The following ATP2C2 variants were observed in gnomAD, a reference collection of about 807,000 sequenced individuals.
ATP2C2 encodes calcium-transporting ATPase type 2C member 2.
A neutral mutation model predicts 110.8 loss-of-function variants in ATP2C2; 171 were observed. The ratio of observed to expected loss-of-function variants is 1.54; its 90% CI spans 1.36 to 1.75. The LOEUF is 1.75. Among genes scored for constraint, ATP2C2 ranks in the 40% most tolerant of loss-of-function variants. The probability of loss-of-function intolerance (pLI) is 0.00; values close to 1 mark genes in which losing one functional copy is unlikely to be tolerated. For missense variants in ATP2C2, 1,963 were observed against 1,235.0 expected, an observed-to-expected ratio of 1.59 and a Z score of -8.84; for synonymous variants, 804 against 508.4, an observed-to-expected ratio of 1.58 and a Z score of -7.82.
rs373254486 is a variant in ATP2C2, at chr16:84,451,304, CGTG to C, written c.1661-615_1661-613del. ...CTCCCACTGGGTCCCTCCCACAACA[CGTG>C]GGAATTATGGGAGCTACAGTTCAAG... On this transcript the variant is annotated intron_variant, in intron 17 of 26. Transcript: ENST00000262429. Among the ~76,000 whole-genome samples the C allele has an allele frequency of 7.4e-3, 1,133 of 152,272 alleles. 7 individuals are homozygous for C. The highest frequency in any genetic ancestry group is 0.014 in the Middle Eastern group (4 of 294).
chr16:84,430,706 T>G (rs247841), intron 11 of ATP2C2, among the ~76,000 whole-genome samples: 148,088 of 151,246 alleles, frequency 0.98, 72,598 homozygotes, highest in East Asian at 1. Context: ...ACCAGGGTCT[T>G]TTGGTGCTGG....
intron 9 of ATP2C2, among the ~76,000 whole-genome samples, 158 bp from the exon 10 acceptor site, chr16:84,423,030 G>A (rs887304636): frequency 2.6e-5 from 4 of 152,080 alleles, no homozygotes; most frequent in Admixed American, 2.0e-4. Context: ...ACAGTAATAC[G>A]CACAGGTCTT....
intron 16 of ATP2C2, among the ~76,000 whole-genome samples, chr16:84,446,862 C>T (rs1028711339): frequency 1.3e-5 from 2 of 152,274 alleles, no homozygotes; most frequent in African/African-American, 4.8e-5. Context: ...TGCCAGTCCT[C>T]TCTTTGCAGC....
intron 1 of ATP2C2, among the ~76,000 whole-genome samples, chr16:84,381,028 C>T (rs1420274456): frequency 6.6e-6 from 1 of 152,122 alleles, no homozygotes; most frequent in Non-Finnish European, 1.5e-5. Flanking sequence ...TGTGAAGAGA[C>T]CACCAAACAG....
In ATP2C2 at chr16:84,370,013, T is replaced by C. The variant is rs144837121; in HGVS notation, c.99+1299T>C. ...GTTTATTTGCCATCACAGGTTGCCTTTCCTATGTTGCCATTCCTGTTTTTT... is the reference window on the plus strand; with the variant it reads ...GTTTATTTGCCATCACAGGTTGCCTCTCCTATGTTGCCATTCCTGTTTTTT... On this transcript the variant is annotated intron_variant, in intron 1 of 26. Coordinates refer to ENST00000262429, the MANE Select transcript of ATP2C2 (RefSeq NM_014861.4). Among the ~76,000 whole-genome samples, 1,037 of 152,348 alleles carry C rather than the reference T, an allele frequency of 6.8e-3. 8 individuals carry two copies. Among genetic ancestry groups the C allele is most frequent in the South Asian group, 0.022 (108 of 4,824 alleles).
chr16:84,368,622 G>A lies in ATP2C2; in HGVS notation c.7G>A (p.Glu3Lys). 1 of 1,558,860 alleles carries A rather than the reference G, an allele frequency of 6.4e-7. No individual in the cohort carries two copies. Among genetic ancestry groups the A allele is most frequent in the Non-Finnish European group, 8.7e-7 (1 of 1,152,686 alleles). The part of the protein sequence containing the change: MV[E>K]GRVSEFLKKL... Reference sequence around the variant, plus strand: ...ACGCCTGCGCCCGCTCACCATGGTCGAGGGACGCGTCTCCGAGTTCCTGAA... The same window carrying A: ...ACGCCTGCGCCCGCTCACCATGGTCAAGGGACGCGTCTCCGAGTTCCTGAA... The change falls in exon 1 of 27, where the codon GAG becomes AAG. Residue 3 changes from glutamate to lysine, a missense_variant. Physicochemically the swap from Glu to Lys is moderately conservative, Grantham distance 56. Transcript: ENST00000262429.
intron 1 of ATP2C2, among the ~76,000 whole-genome samples, chr16:84,384,205 C>T (rs540517019): frequency 6.6e-6 from 1 of 152,336 alleles, no homozygotes; most frequent in African/African-American, 2.4e-5. Context: ...GTCCTGGTAA[C>T]AGGGAAAGGA....
intron 23 of ATP2C2, chr16:84,459,853 T>A: frequency 2.5e-6 from 1 of 398,576 alleles, no homozygotes; most frequent in South Asian, 2.6e-5. Context: ...TTGTGTTTCA[T>A]CCCTGATGTC....
At chr16:84,370,129 C>T (rs1285866561) in intron 1 of ATP2C2, among the ~76,000 whole-genome samples, 1 of 141,268 alleles carries the variant, frequency 7.1e-6, no homozygotes, top group Non-Finnish European at 1.5e-5. Flanking sequence ...ACAGGATGTC[C>T]AGGAATGCAG....
At chr16:84,423,545 G>C (rs1223946206) in intron 10 of ATP2C2, among the ~76,000 whole-genome samples, 2 of 152,224 alleles carry the variant, frequency 1.3e-5, no homozygotes, top group Non-Finnish European at 2.9e-5. Context: ...TGGTCCAGTG[G>C]CTCTCCTGGA....
At chr16:84,448,399 A>C (rs1303411898) in intron 16 of ATP2C2, 134 bp from the exon 17 acceptor site, 8 of 1,144,024 alleles carry the variant, frequency 7.0e-6, no homozygotes, top group Non-Finnish European at 2.4e-6. Flanking sequence ...TGTGAACAGC[A>C]CCAGCCTATG....
intron 24 of ATP2C2, 112 bp from the exon 25 acceptor site, chr16:84,461,602 T>A: frequency 1.1e-6 from 1 of 930,048 alleles, no homozygotes; most frequent in South Asian, 1.4e-5. Context: ...CATGAGCTTG[T>A]AAGTGGCTCC....
intron 11 of ATP2C2, among the ~76,000 whole-genome samples, chr16:84,438,315 A>G (rs1396964293): frequency 1.3e-5 from 2 of 152,184 alleles, no homozygotes; most frequent in African/African-American, 2.4e-5. Context: ...GCTATGTCAA[A>G]CTGGACACCA....
intron 2 of ATP2C2, among the ~76,000 whole-genome samples, chr16:84,401,165 T>G (rs574697236): frequency 6.6e-6 from 1 of 151,216 alleles, no homozygotes; most frequent in South Asian, 2.1e-4. Flanking sequence ...CTGGAGAGTT[T>G]CCCCGATGTT....
At position 84,422,533 on chromosome 16, in the gene ATP2C2, G is replaced by C; in HGVS notation, c.768G>C (p.Arg256Ser). ...TGGGGACCCTGGTGCAGTATGGGAG[G>C]GGCCAGGTAAGCCCTGGGACACCGA... Reference protein sequence around the residue: ...VFMGTLVQYGRGQGVVIGTGE... With the variant: ...VFMGTLVQYGSGQGVVIGTGE... The change falls in exon 8 of 27, where the codon AGG becomes AGC. Residue 256 changes from arginine to serine, a missense_variant. Transcript: ENST00000262429. 2 of 1,613,838 alleles carry C rather than the reference G, an allele frequency of 1.2e-6. No individual in the cohort carries two copies. Among genetic ancestry groups the C allele is most frequent in the East Asian group, 2.2e-5 (1 of 44,876 alleles).
rs765949444 is a variant in ATP2C2, at chr16:84,408,397, C to G, written c.328-8C>G. On this transcript the variant is annotated splice_region_variant and splice_polypyrimidine_tract_variant and intron_variant, in intron 3 of 26. Transcript: ENST00000262429. ...AGAACGTGCCCCACCCTGTTATTTC[C>G]TCTTCAGTTTAAGAACCCCCTGATC... 4 of 1,613,276 alleles carry G rather than the reference C, an allele frequency of 2.5e-6. No homozygotes were observed. The South Asian group carries it at 4.4e-5, about 18-fold the overall frequency.
rs376849149 is a variant in ATP2C2 at position 84,448,656 on chromosome 16, G to C, written c.1627G>C (p.Glu543Gln). ...TPQQRSFCLQ[E>Q]EKRMGSLGLR... ...CCAGCAGAGGTCATTCTGCCTGCAG[G>C]AAGAGAAGAGGATGGGGTCGCTCGG... is the stretch of plus-strand genomic sequence containing the variant. The change falls in exon 17 of 27, where the codon GAA becomes CAA. Residue 543 changes from glutamate to glutamine, a missense_variant. Physicochemically the swap from Glu to Gln is conservative, Grantham distance 29. Coordinates refer to ENST00000262429, the MANE Select transcript of ATP2C2 (RefSeq NM_014861.4). The C allele has an allele frequency of 6.2e-7, 1 of 1,613,912 alleles. No individual in the cohort carries two copies. The highest frequency in any genetic ancestry group is 8.5e-7 in the Non-Finnish European group (1 of 1,179,906).
At chr16:84,405,489 AGT>A (rs1491188287) in intron 3 of ATP2C2, among the ~76,000 whole-genome samples, 3,605 of 152,290 alleles carry the variant, frequency 0.024, 49 homozygotes, top group Non-Finnish European at 0.036. Context: ...TATATGAGTA[AGT>A]GAATAAGTAA....
At chr16:84,431,893 C>T (rs772766326) in intron 11 of ATP2C2, among the ~76,000 whole-genome samples, 23 of 152,104 alleles carry the variant, frequency 1.5e-4, no homozygotes, top group Admixed American at 4.6e-4. Flanking sequence ...ATTACAGAAG[C>T]GGGGGCTGGG....
Sources: allele counts gnomAD v4.1 joint callset (sites outside exome capture counted in the v4.1 genomes callset), GRCh38; gene constraint gnomAD v4.1.1; transcripts MANE v1.5; gene names NCBI Gene and HGNC (gene_info 2026-07-23, HGNC 2026-07-21).